Variants in ZNF763 observed in about 807,000 individuals in gnomAD.
The protein encoded by ZNF763 is zinc finger protein 763.
In ZNF763, 33 loss-of-function variants were observed where a neutral mutation model predicts 38.0. The observed-to-expected ratio is 0.87, with a 90% confidence interval of 0.66 to 1.16. The LOEUF is 1.16. Among genes scored for constraint, ZNF763 ranks in the 50% most tolerant of loss-of-function variants. ZNF763 has a pLI of 0.00. For missense variants in ZNF763, 423 were observed against 469.1 expected, an observed-to-expected ratio of 0.90 and a Z score of 0.91; for synonymous variants, 155 against 160.1, an observed-to-expected ratio of 0.97 and a Z score of 0.24.
At chr19:11,969,720 G>A (rs1973310694) in intron 1 of ZNF763, among the ~76,000 whole-genome samples, 1 of 152,244 alleles carries the variant, frequency 6.6e-6, no homozygotes, top group East Asian at 1.9e-4. Context: ...ACTCTTCAAG[G>A]GCTTGCAGTG....
rs1973544872 is a variant in ZNF763 at position 11,978,457 on chromosome 19, G to A, written c.533G>A (p.Gly178Glu). 1 of 1,614,024 alleles carries A rather than the reference G, an allele frequency of 6.2e-7. No homozygotes were observed. Among genetic ancestry groups the A allele is most frequent in the African/African-American group, 1.3e-5 (1 of 74,900 alleles). ...GEKPYACKEC[G>E]KTFISHSGIR... ...AAACCCTATGCTTGTAAAGAATGTG[G>A]AAAAACCTTTATTTCCCATTCAGGC... The change falls in exon 4 of 4, where the codon GGA becomes GAA. Residue 178 changes from glycine to glutamate, a missense_variant. Gly to Glu is a moderately conservative substitution (Grantham distance 98, BLOSUM62 -2). Coordinates refer to ENST00000358987, the MANE Select transcript of ZNF763 (RefSeq NM_001367172.2).
chr19:11,974,702 A>T (rs1017089673), intron 1 of ZNF763, among the ~76,000 whole-genome samples: 5 of 152,016 alleles, frequency 3.3e-5, no homozygotes, highest in African/African-American at 1.2e-4. Context: ...TCCCAGATTC[A>T]AACAATTCTC....
chr19:11,970,499 GAATT>G (rs1293999607), intron 1 of ZNF763, among the ~76,000 whole-genome samples: 1 of 152,198 alleles, frequency 6.6e-6, no homozygotes, highest in Non-Finnish European at 1.5e-5. Context: ...GGTAACTCTA[GAATT>G]AATTAAATTA....
In ZNF763 at chr19:11,965,040, C is replaced by G. The variant is rs1973194651; in HGVS notation, c.-169C>G. 1 of 775,184 alleles carries G rather than the reference C, an allele frequency of 1.3e-6. No individual in the cohort carries two copies. The allele number at this position is 775,184 out of a possible 1,614,324, so 48.0% of individuals were successfully genotyped here. On this transcript the variant is annotated 5_prime_UTR_variant, in exon 1 of 4. Coordinates refer to ENST00000358987, the MANE Select transcript of ZNF763 (RefSeq NM_001367172.2). The stretch of plus-strand genomic sequence containing the variant: ...TCCAGGCACAGAGTGGGTCGCATTC[C>G]TGTCCTCACCTTTGTCCTTGCGCAG...
At chr19:11,970,020 G>T (rs1288985537) in intron 1 of ZNF763, among the ~76,000 whole-genome samples, 1 of 152,186 alleles carries the variant, frequency 6.6e-6, no homozygotes, top group African/African-American at 2.4e-5. Flanking sequence ...TGCCTTAGGG[G>T]AGTGGGACCT....
chr19:11,966,285 G>A (rs1973227522), intron 1 of ZNF763, among the ~76,000 whole-genome samples: 1 of 152,200 alleles, frequency 6.6e-6, no homozygotes, highest in Non-Finnish European at 1.5e-5. Context: ...CTGCCATCCT[G>A]TCATACAGAG....
chr19:11,970,566 T>C (rs1016286869), intron 1 of ZNF763, among the ~76,000 whole-genome samples: 2 of 152,214 alleles, frequency 1.3e-5, no homozygotes, highest in Non-Finnish European at 1.5e-5. Flanking sequence ...TAGATAACCA[T>C]TTGTCCCTGC....
intron 3 of ZNF763, among the ~76,000 whole-genome samples, 173 bp downstream of exon 3, chr19:11,977,604 A>T (rs967689083): frequency 6.6e-6 from 1 of 152,210 alleles, no homozygotes; most frequent in African/African-American, 2.4e-5. Context: ...CACTCCTGTA[A>T]TCCCAATCCT....
intron 1 of ZNF763, among the ~76,000 whole-genome samples, chr19:11,972,503 A>G (rs570054890): frequency 6.6e-6 from 1 of 152,276 alleles, no homozygotes; most frequent in South Asian, 2.1e-4. Flanking sequence ...ATAATGATGG[A>G]GCCAGTATTG....
At position 11,974,128 on chromosome 19, in the gene ZNF763, T is replaced by TC. The variant is rs1973425358; in HGVS notation, c.4-2910_4-2909insC. Among the ~76,000 whole-genome samples, 8 of 104,100 alleles carry TC rather than the reference T, an allele frequency of 7.7e-5. 1 individual carries two copies. Among genetic ancestry groups the TC allele is most frequent in the Admixed American group, 6.0e-4 (6 of 10,050 alleles). The allele number at this position is 104,100 out of a possible 152,430, so 68.3% of individuals were successfully genotyped here. On this transcript the variant is annotated intron_variant, in intron 1 of 3. Transcript: ENST00000358987. Reference sequence around the variant, plus strand: ...TTCTTTCTTTCTTTCTTTCTTTCTTTTCTTTCTTTCTTTCTTTCTTTCTTT... The same window carrying TC: ...TTCTTTCTTTCTTTCTTTCTTTCTTTCTCTTTCTTTCTTTCTTTCTTTCTTT...
At chr19:11,976,789 C>T in intron 1 of ZNF763, 2 of 1,085,522 alleles carry the variant, frequency 1.8e-6, no homozygotes, top group South Asian at 4.0e-5. Context: ...TCGCTTGAAC[C>T]CCGGTCATGA....
At chr19:11,975,633 C>T (rs1973472751) in intron 1 of ZNF763, among the ~76,000 whole-genome samples, 1 of 149,526 alleles carries the variant, frequency 6.7e-6, no homozygotes, top group South Asian at 2.2e-4. Flanking sequence ...CCGCCCGCCT[C>T]GGCCTACCAA....
chr19:11,970,853 C>T (rs1052392302), intron 1 of ZNF763, among the ~76,000 whole-genome samples: 24 of 152,122 alleles, frequency 1.6e-4, no homozygotes, highest in Non-Finnish European at 7.4e-5. Context: ...ATCGCTTGAA[C>T]CTGGGAGGTG....
Position 11,978,810 on chromosome 19 carries a change from T to A in ZNF763, c.886T>A (p.Cys296Ser). The change falls in exon 4 of 4, where the codon TGT (cysteine) becomes AGT (serine). Residue 296 changes from cysteine to serine, a missense_variant. Transcript: ENST00000358987. ...CKQCGKSFSW[C>S]HSFQIHERTH... ...ACAATGTGGCAAATCCTTCAGTTGG[T>A]GTCATTCCTTTCAAATACATGAAAG... is the stretch of plus-strand genomic sequence containing the variant. 2 of 1,614,106 alleles carry A rather than the reference T, an allele frequency of 1.2e-6. No individual in the cohort carries two copies. Among genetic ancestry groups the A allele is most frequent in the African/African-American group, 2.7e-5 (2 of 75,028 alleles).
At chr19:11,965,597 T>C (rs1472700778) in intron 1 of ZNF763, among the ~76,000 whole-genome samples, 2 of 147,198 alleles carry the variant, frequency 1.4e-5, no homozygotes, top group Non-Finnish European at 2.9e-5. Flanking sequence ...CACTTTCTCC[T>C]GTTAAAAATT....
intron 1 of ZNF763, among the ~76,000 whole-genome samples, chr19:11,970,994 G>A (rs1379297905): frequency 6.6e-6 from 1 of 151,986 alleles, no homozygotes; most frequent in African/African-American, 2.4e-5. Context: ...GTTTTCCATT[G>A]GTCTGTCCTT....
intron 1 of ZNF763, among the ~76,000 whole-genome samples, chr19:11,968,701 G>C (rs1042231109): frequency 1.4e-4 from 21 of 152,120 alleles, no homozygotes; most frequent in African/African-American, 5.1e-4. Context: ...AAGTTAAGAG[G>C]GAAATTAGTG....
At position 11,977,448 on chromosome 19, in the gene ZNF763, G is replaced by A. The variant is rs372871443; in HGVS notation, c.191+17G>A. ...AAACTTCAGGTAATTGGCACTTAAAGAGAAAGCAGTGTCTCTAGATGATTT... is the reference window on the plus strand; with the variant it reads ...AAACTTCAGGTAATTGGCACTTAAAAAGAAAGCAGTGTCTCTAGATGATTT... On this transcript the variant is annotated intron_variant, in intron 3 of 3. Coordinates refer to ENST00000358987, the MANE Select transcript of ZNF763 (RefSeq NM_001367172.2). 4 of 1,613,414 alleles carry A rather than the reference G, an allele frequency of 2.5e-6. No individual in the cohort carries two copies. Among genetic ancestry groups the A allele is most frequent in the Non-Finnish European group, 3.4e-6 (4 of 1,179,476 alleles).
In ZNF763 at chr19:11,980,231, A is replaced by T; in HGVS notation, c.*1122A>T. Reference sequence around the variant, plus strand: ...CCCTGTCTCTACTAAAACTACAAAAATTGGCCAGGCGTGGTGGCCTGCTTC... The same window carrying T: ...CCCTGTCTCTACTAAAACTACAAAATTTGGCCAGGCGTGGTGGCCTGCTTC... On this transcript the variant is annotated 3_prime_UTR_variant, in exon 4 of 4. Transcript: ENST00000358987. 1 of 384,786 alleles carries T rather than the reference A, an allele frequency of 2.6e-6. No individual in the cohort carries two copies. Among genetic ancestry groups the T allele is most frequent in the African/African-American group, 2.1e-5 (1 of 47,216 alleles). 23.8% of individuals were successfully genotyped at this position (384,786 alleles called of 1,614,324 possible).
Sources: allele counts gnomAD v4.1 joint callset (sites outside exome capture counted in the v4.1 genomes callset), GRCh38; gene constraint gnomAD v4.1.1; transcripts MANE v1.5; gene names NCBI Gene and HGNC (gene_info 2026-07-23, HGNC 2026-07-21).